The following MECOM variants were observed in gnomAD, a reference collection of about 807,000 sequenced individuals.
MECOM encodes MDS1 and EVI1 complex locus.
MECOM carries 13 observed loss-of-function variants against 116.3 expected under a neutral mutation model. The observed-to-expected ratio is 0.11, with a 90% confidence interval of 0.07 to 0.18. The LOEUF is 0.18. Among genes scored for constraint, MECOM ranks in the 10% least tolerant of loss-of-function variants. MECOM has a pLI of 1.00. For missense variants in MECOM, 1,299 were observed against 1,509.0 expected (o/e 0.86, Z 2.31); for synonymous variants, 528 against 535.2 (o/e 0.99, Z 0.19).
intron 2 of MECOM, among the ~76,000 whole-genome samples, chr3:169,189,863 A>G (rs971244189): frequency 6.6e-6 from 1 of 152,108 alleles, no homozygotes; most frequent in African/African-American, 2.4e-5. Flanking sequence ...AAGTGCTAAC[A>G]TATATTAAGT....
chr3:169,434,025 C>T (rs1742214860), intron 1 of MECOM, among the ~76,000 whole-genome samples: 2 of 152,108 alleles, frequency 1.3e-5, no homozygotes, highest in Admixed American at 6.5e-5. Context: ...ACCCATTCTC[C>T]AAGTGTCAAA....
At chr3:169,470,001 C>T (rs1748935982) in intron 1 of MECOM, 1 of 152,152 alleles carries the variant, frequency 6.6e-6, no homozygotes, top group Non-Finnish European at 1.5e-5. Flanking sequence ...TATTAAAGCT[C>T]CAGAGGAGTC....
intron 2 of MECOM, among the ~76,000 whole-genome samples, chr3:169,199,244 T>A (rs1003327020): frequency 6.6e-6 from 1 of 152,082 alleles, no homozygotes; most frequent in Non-Finnish European, 1.5e-5. Flanking sequence ...TTGAGGTTAC[T>A]TCTGCTCTTT....
chr3:169,559,043 C>T (rs201130499), intron 1 of MECOM, among the ~76,000 whole-genome samples: 23,019 of 147,032 alleles, frequency 0.16, 2,035 homozygotes, highest in East Asian at 0.39. Flanking sequence ...TACACACACA[C>T]GCGCACACAC....
intron 2 of MECOM, among the ~76,000 whole-genome samples, chr3:169,230,384 C>A (rs1753233197): frequency 6.6e-6 from 1 of 152,038 alleles, no homozygotes; most frequent in Admixed American, 6.6e-5. Flanking sequence ...ATACAGCTGA[C>A]CTTAGCTTTT....
At chr3:169,263,077 CTA>C (rs748506622) in intron 2 of MECOM, among the ~76,000 whole-genome samples, 89 of 32,918 alleles carry the variant, frequency 2.7e-3, no homozygotes, top group Non-Finnish European at 3.2e-3. Flanking sequence ...TTTCAAGATG[CTA>C]TATATATATA....
chr3:169,267,189 C>T lies in MECOM; in HGVS notation c.375+113998G>A, dbSNP rs571770494. ...AGGAAGTTAGAAGGATCCAGGGTTC[C>T]TGAGAACATCATGGGGCTGCCATAC... On this transcript the variant is annotated intron_variant, in intron 2 of 16. Coordinates refer to ENST00000651503, the MANE Select transcript of MECOM (RefSeq NM_004991.4). 2.6e-5 allele frequency among the ~76,000 whole-genome samples: 4 copies of T among 152,318 alleles called. No individual in the cohort carries two copies. In the East Asian group the frequency reaches 7.7e-4, roughly 29 times the overall value.
At chr3:169,113,087 A>C (rs1727970211) in intron 8 of MECOM, among the ~76,000 whole-genome samples, 1 of 152,096 alleles carries the variant, frequency 6.6e-6, no homozygotes, top group East Asian at 1.9e-4. Context: ...TAATGGAAAA[A>C]CCCTACTGAA....
intron 1 of MECOM, among the ~76,000 whole-genome samples, chr3:169,622,246 T>A (rs1029493639): frequency 6.6e-6 from 1 of 152,054 alleles, no homozygotes; most frequent in Non-Finnish European, 1.5e-5. Context: ...CCCGCCACCA[T>A]GCCCGGCTAA....
intron 2 of MECOM, among the ~76,000 whole-genome samples, chr3:169,309,591 C>A (rs1321279366): frequency 6.6e-6 from 1 of 152,176 alleles, no homozygotes; most frequent in Admixed American, 6.5e-5. Flanking sequence ...ATTACAAATA[C>A]TCTCATTTCC....
chr3:169,265,274 G>A (rs555969606), intron 2 of MECOM, among the ~76,000 whole-genome samples: 2 of 152,288 alleles, frequency 1.3e-5, no homozygotes, highest in South Asian at 4.1e-4. Context: ...GCTCTGCACT[G>A]ATAAGATGTG....
intron 1 of MECOM, among the ~76,000 whole-genome samples, chr3:169,475,700 A>G (rs960763406): frequency 6.6e-6 from 1 of 152,132 alleles, no homozygotes; most frequent in Non-Finnish European, 1.5e-5. Flanking sequence ...CAGATTTTGT[A>G]ATCCTTTCCA....
intron 2 of MECOM, among the ~76,000 whole-genome samples, chr3:169,257,954 C>T (rs541692499): frequency 6.6e-5 from 10 of 152,300 alleles, no homozygotes; most frequent in South Asian, 2.1e-4. Context: ...GGCATGGCGG[C>T]GCATGCCCGC....
intron 1 of MECOM, among the ~76,000 whole-genome samples, chr3:169,401,789 G>A (rs557788353): frequency 1.1e-4 from 16 of 152,352 alleles, no homozygotes; most frequent in African/African-American, 3.8e-4. Context: ...GCATGTGCAT[G>A]AGACTAAGCA....
At chr3:169,562,163 GGAAA>G (rs1186199227) in intron 1 of MECOM, among the ~76,000 whole-genome samples, 8 of 90,624 alleles carry the variant, frequency 8.8e-5, no homozygotes, top group Non-Finnish European at 1.6e-4. Context: ...AAAAAAAAAA[GGAAA>G]GAAAGAAAGA....
chr3:169,573,704 T>A (rs938087886), intron 1 of MECOM, among the ~76,000 whole-genome samples: 1 of 152,122 alleles, frequency 6.6e-6, no homozygotes, highest in African/African-American at 2.4e-5. Flanking sequence ...AAGAAGAAAA[T>A]ATCTTCATAT....
chr3:169,313,251 C>T (rs562014566), intron 2 of MECOM, among the ~76,000 whole-genome samples: 1 of 152,102 alleles, frequency 6.6e-6, no homozygotes, highest in Non-Finnish European at 1.5e-5. Flanking sequence ...AAAAGAGAAT[C>T]TCTTTGATGA....
chr3:169,569,584 G>C (rs1359605129), intron 1 of MECOM, among the ~76,000 whole-genome samples: 1 of 152,088 alleles, frequency 6.6e-6, no homozygotes, highest in Non-Finnish European at 1.5e-5. Flanking sequence ...AATTGGAAGT[G>C]AAACACTCAT....
At chr3:169,417,261 G>C (rs1171982087) in intron 1 of MECOM, among the ~76,000 whole-genome samples, 4 of 148,624 alleles carry the variant, frequency 2.7e-5, no homozygotes, top group African/African-American at 7.4e-5. Context: ...AAATTTACAA[G>C]AAAAAAACAA....
Sources: gnomAD v4.1 joint callset for allele counts (sites outside exome capture counted in the v4.1 genomes callset) on GRCh38, gnomAD v4.1.1 for gene constraint, MANE v1.5 for transcripts, NCBI Gene and HGNC (gene_info 2026-07-23, HGNC 2026-07-21) for gene names.